Variants in TENT5D observed in about 807,000 individuals in gnomAD.
The protein encoded by TENT5D is cancer/testis antigen 112.
For missense variants in TENT5D, 191 were observed against 287.0 expected (o/e 0.67, Z 2.42); for synonymous variants, 103 against 100.6 (o/e 1.02, Z -0.15).
chrX:80,379,144 T>TAGAG (rs1263439736), intron 3 of TENT5D, among the ~76,000 whole-genome samples: 1 of 104,456 alleles, frequency 9.6e-6, no homozygotes, highest in Non-Finnish European at 2.0e-5. Context: ...CTGCATTCTC[T>TAGAG]TGCAGAAAAG....
intron 3 of TENT5D, among the ~76,000 whole-genome samples, chrX:80,346,947 T>C (rs949828785): frequency 2.7e-5 from 3 of 111,105 alleles, no homozygotes; most frequent in African/African-American, 9.8e-5. Context: ...TCTCTTCCTG[T>C]GTTAGTTTGC....
At chrX:80,370,069 C>T (rs755926411) in intron 3 of TENT5D, among the ~76,000 whole-genome samples, 1 of 109,822 alleles carries the variant, frequency 9.1e-6, no homozygotes, top group Admixed American at 9.9e-5. Flanking sequence ...GTAACAAGTA[C>T]GTGCCACCAC....
chrX:80,409,255 T>G (rs945689220), intron 3 of TENT5D, among the ~76,000 whole-genome samples: 1 of 110,603 alleles, frequency 9.0e-6, no homozygotes, highest in Non-Finnish European at 1.9e-5. Context: ...CCAGGGCAAT[T>G]AGGCAGGAGA....
In TENT5D at chrX:80,422,762, A is replaced by G. The variant is rs746376901; in HGVS notation, c.-142+2199A>G. 2.1e-4 allele frequency among the ~76,000 whole-genome samples: 23 copies of G among 111,529 alleles called. 1 individual carries two copies. The South Asian group carries it at 8.6e-3, about 42-fold the overall frequency. On this transcript the variant is annotated intron_variant, in intron 1 of 2. Transcript: ENST00000308293. The stretch of plus-strand genomic sequence containing the variant: ...TTTCTACTTTTCTCCTTCCTCAGAT[A>G]GTGTTTAAGAGGGATGTGAAAGATG...
chrX:80,358,666 G>T (rs1930340034), intron 3 of TENT5D, among the ~76,000 whole-genome samples: 1 of 111,681 alleles, frequency 9.0e-6, no homozygotes, highest in Non-Finnish European at 1.9e-5. Context: ...TACCTTTGTT[G>T]AATCTAACCA....
At chrX:80,394,251 A>G (rs146262021) in intron 3 of TENT5D, among the ~76,000 whole-genome samples, 8 of 110,602 alleles carry the variant, frequency 7.2e-5, no homozygotes, top group Middle Eastern at 9.6e-3. Flanking sequence ...TAGTTATTCT[A>G]ACAGGCATAA....
At chrX:80,382,445 G>C (rs890839597) in intron 3 of TENT5D, among the ~76,000 whole-genome samples, 2 of 112,196 alleles carry the variant, frequency 1.8e-5, no homozygotes, top group Non-Finnish European at 3.8e-5. Context: ...ACGGGGGTCA[G>C]GGACCCACTT....
chrX:80,347,861 G>T, intron 3 of TENT5D, among the ~76,000 whole-genome samples: 1 of 112,130 alleles, frequency 8.9e-6, no homozygotes. Flanking sequence ...AGTGTGTAAG[G>T]AAGGGGTCTG....
chrX:80,430,290 C>T (rs1300820365), intron 1 of TENT5D, among the ~76,000 whole-genome samples: 2 of 111,305 alleles, frequency 1.8e-5, no homozygotes, highest in South Asian at 3.8e-4. Context: ...CTAATAGTAC[C>T]ATGTCCATTG....
At chrX:80,368,219 T>C (rs1930548181) in intron 3 of TENT5D, among the ~76,000 whole-genome samples, 1 of 111,698 alleles carries the variant, frequency 9.0e-6, no homozygotes, top group Admixed American at 9.5e-5. Context: ...TCTGTACATA[T>C]TCCCTGGTTT....
At chrX:80,370,760 A>G (rs770181729) in intron 3 of TENT5D, among the ~76,000 whole-genome samples, 1 of 111,684 alleles carries the variant, frequency 9.0e-6, no homozygotes, top group Non-Finnish European at 1.9e-5. Flanking sequence ...TACTTACAGA[A>G]TTGATAGACA....
intron 3 of TENT5D, among the ~76,000 whole-genome samples, chrX:80,409,770 AAAG>A (rs1307686199): frequency 1.9e-5 from 2 of 105,846 alleles, no homozygotes; most frequent in African/African-American, 6.9e-5. Flanking sequence ...TGGAACCAAA[AAAG>A]AGCCCGCATC....
At chrX:80,402,111 G>A (rs1191714477) in intron 3 of TENT5D, among the ~76,000 whole-genome samples, 1 of 110,685 alleles carries the variant, frequency 9.0e-6, no homozygotes, top group East Asian at 2.8e-4. Context: ...TATATTTTTC[G>A]GGATTCAATC....
At position 80,376,121 on chromosome X, in the gene TENT5D, A is replaced by G. The variant is rs767731091; in HGVS notation, c.-142+33557A>G. 9.1e-5 allele frequency among the ~76,000 whole-genome samples: 10 copies of G among 109,993 alleles called. No individual in the cohort carries two copies. In the South Asian group the frequency reaches 3.8e-3, roughly 42 times the overall value. ...ATAGCTCTCTAAGACAGTTTGGTAT[A>G]TTTCACTACTTGTAGTAATTAACGT... On this transcript the variant is annotated intron_variant, in intron 3 of 4. Coordinates refer to the TENT5D transcript ENST00000538312.
At chrX:80,344,523 T>C (rs1930024236) in intron 3 of TENT5D, among the ~76,000 whole-genome samples, 2 of 110,564 alleles carry the variant, frequency 1.8e-5, no homozygotes, top group Non-Finnish European at 1.9e-5. Flanking sequence ...GTATATCTTA[T>C]GGTTTTGATT....
chrX:80,341,478 T>C (rs1929955254), intron 2 of TENT5D, among the ~76,000 whole-genome samples: 1 of 111,424 alleles, frequency 9.0e-6, no homozygotes, highest in Non-Finnish European at 1.9e-5. Flanking sequence ...ATGGGTCTGA[T>C]CCAAAATGGC....
intron 3 of TENT5D, among the ~76,000 whole-genome samples, chrX:80,385,487 A>G (rs930392097): frequency 5.4e-5 from 6 of 112,073 alleles, no homozygotes; most frequent in Non-Finnish European, 7.5e-5. Flanking sequence ...AAACCTAGGC[A>G]ATGCCATTCA....
At chrX:80,429,996 T>C (rs1421672298) in intron 1 of TENT5D, among the ~76,000 whole-genome samples, 1 of 110,490 alleles carries the variant, frequency 9.1e-6, no homozygotes, top group African/African-American at 3.3e-5. Flanking sequence ...GATCCTGCTT[T>C]TTTTTTTTTC....
chrX:80,381,949 C>A (rs779217409), intron 3 of TENT5D, among the ~76,000 whole-genome samples: 1 of 112,408 alleles, frequency 8.9e-6, no homozygotes, highest in African/African-American at 3.2e-5. Flanking sequence ...CCTTCTGAAA[C>A]CTACTTCTGT....
Sources: allele counts gnomAD v4.1 joint callset (sites outside exome capture counted in the v4.1 genomes callset), GRCh38; gene constraint gnomAD v4.1.1; transcripts MANE v1.5; gene names NCBI Gene and HGNC (gene_info 2026-07-23, HGNC 2026-07-21).